AKAP6: variants seen among roughly 807,000 people sequenced by gnomAD.
AKAP6 encodes A-kinase anchor protein 6.
AKAP6 carries 58 observed loss-of-function variants against 188.5 expected under a neutral mutation model. The observed-to-expected ratio is 0.31, with a 90% CI of 0.25 to 0.38. AKAP6 has a LOEUF of 0.38. Among genes scored for constraint, AKAP6 ranks in the 10% least tolerant of loss-of-function variants. AKAP6 has a pLI of 1.00. For synonymous variants in AKAP6, 989 were observed against 998.6 expected, an observed-to-expected ratio of 0.99 and a Z score of 0.18; for missense variants, 2,710 against 2,740.0, an observed-to-expected ratio of 0.99 and a Z score of 0.24.
chr14:32,786,425 A>G (rs2140037185), intron 12 of AKAP6, among the ~76,000 whole-genome samples: 1 of 146,544 alleles, frequency 6.8e-6, no homozygotes, highest in African/African-American at 2.5e-5. Flanking sequence ...CTCCTGCCCC[A>G]GCCTCCTGAG....
At chr14:32,492,982 G>A (rs1227728705) in intron 2 of AKAP6, among the ~76,000 whole-genome samples, 1 of 152,194 alleles carries the variant, frequency 6.6e-6, no homozygotes, top group Non-Finnish European at 1.5e-5. Context: ...TATGGGATGT[G>A]TCTTGCCTTT....
At chr14:32,452,732 G>C (rs1188363363) in intron 2 of AKAP6, among the ~76,000 whole-genome samples, 1 of 152,178 alleles carries the variant, frequency 6.6e-6, no homozygotes, top group Admixed American at 6.5e-5. Context: ...CTGTGCTCCA[G>C]AGACCATATT....
intron 11 of AKAP6, among the ~76,000 whole-genome samples, chr14:32,748,370 G>T (rs545548558): frequency 3.2e-4 from 48 of 152,294 alleles, no homozygotes; most frequent in African/African-American, 1.0e-3. Flanking sequence ...CTTACCTTAA[G>T]AAGTGGTTGT....
intron 5 of AKAP6, among the ~76,000 whole-genome samples, chr14:32,594,404 A>G (rs1885607270): frequency 6.6e-6 from 1 of 152,120 alleles, no homozygotes; most frequent in African/African-American, 2.4e-5. Flanking sequence ...TATTTTCCAT[A>G]TGATTGTTTA....
At chr14:32,682,314 C>A (rs956522524) in intron 8 of AKAP6, among the ~76,000 whole-genome samples, 4 of 152,144 alleles carry the variant, frequency 2.6e-5, no homozygotes, top group Non-Finnish European at 5.9e-5. Context: ...TGGCATGAAG[C>A]CGATACTGAT....
chr14:32,619,735 G>T (rs1886735566), intron 7 of AKAP6, among the ~76,000 whole-genome samples: 1 of 152,018 alleles, frequency 6.6e-6, no homozygotes, highest in Non-Finnish European at 1.5e-5. Flanking sequence ...AATAGGAATT[G>T]CATTGAATCT....
chr14:32,649,826 T>C (rs1203599471), intron 7 of AKAP6, among the ~76,000 whole-genome samples: 1 of 152,146 alleles, frequency 6.6e-6, no homozygotes, highest in Admixed American at 6.5e-5. Context: ...AAGCTAGATT[T>C]GCAATTGGTT....
At chr14:32,636,200 T>C (rs994216694) in intron 7 of AKAP6, among the ~76,000 whole-genome samples, 3 of 152,128 alleles carry the variant, frequency 2.0e-5, no homozygotes, top group Non-Finnish European at 4.4e-5. Context: ...GAAACATCTA[T>C]ACATATACAA....
intron 1 of AKAP6, among the ~76,000 whole-genome samples, chr14:32,410,680 C>A (rs1183902994): frequency 1.3e-5 from 2 of 151,912 alleles, no homozygotes; most frequent in Non-Finnish European, 2.9e-5. Context: ...ACAAATGTTC[C>A]TTGAGTGAGA....
At chr14:32,510,201 G>A (rs541205872) in intron 2 of AKAP6, among the ~76,000 whole-genome samples, 3 of 151,502 alleles carry the variant, frequency 2.0e-5, no homozygotes, top group African/African-American at 4.9e-5. Context: ...TACTAATAGT[G>A]TCTCTCTGCT....
chr14:32,641,664 T>G (rs1215671112), intron 7 of AKAP6, among the ~76,000 whole-genome samples: 1 of 152,086 alleles, frequency 6.6e-6, no homozygotes, highest in Non-Finnish European at 1.5e-5. Flanking sequence ...GAATTTCATG[T>G]GGTCCCTAAA....
At chr14:32,752,285 T>C (rs571218532) in intron 11 of AKAP6, among the ~76,000 whole-genome samples, 14 of 152,348 alleles carry the variant, frequency 9.2e-5, no homozygotes, top group African/African-American at 2.9e-4. Context: ...GTAAGTAGCC[T>C]ACTCTTTGTT....
intron 2 of AKAP6, among the ~76,000 whole-genome samples, chr14:32,478,544 C>G (rs991737195): frequency 6.6e-6 from 1 of 151,828 alleles, no homozygotes; most frequent in African/African-American, 2.4e-5. Context: ...GAGACCTCTA[C>G]CATAAAAAAA....
At chr14:32,561,562 G>T (rs1405213095) in intron 4 of AKAP6, among the ~76,000 whole-genome samples, 3 of 152,072 alleles carry the variant, frequency 2.0e-5, no homozygotes, top group African/African-American at 7.2e-5. Context: ...TGGAACTTTG[G>T]GTGAACTCAA....
intron 7 of AKAP6, among the ~76,000 whole-genome samples, chr14:32,642,043 A>G (rs1887781860): frequency 1.3e-5 from 2 of 152,182 alleles, no homozygotes; most frequent in Non-Finnish European, 2.9e-5. Flanking sequence ...AATGATTAAT[A>G]TAGTCTTCTT....
At chr14:32,422,087 G>C (rs76446741) in intron 1 of AKAP6, among the ~76,000 whole-genome samples, 139 of 152,240 alleles carry the variant, frequency 9.1e-4, no homozygotes, top group Non-Finnish European at 1.6e-3. Context: ...ACAGAGTAAG[G>C]AGAGACCTAT....
chr14:32,533,252 G>A (rs1882506184), intron 2 of AKAP6, among the ~76,000 whole-genome samples: 1 of 152,202 alleles, frequency 6.6e-6, no homozygotes, highest in African/African-American at 2.4e-5. Flanking sequence ...AGGGAAGAAT[G>A]TAGGTAACAG....
intron 8 of AKAP6, among the ~76,000 whole-genome samples, chr14:32,680,131 C>T (rs1342277055): frequency 6.6e-6 from 1 of 152,186 alleles, no homozygotes; most frequent in East Asian, 1.9e-4. Context: ...TAGTTAACAA[C>T]AAGCATTGTT....
chr14:32,390,467 A>T (rs575063686), intron 1 of AKAP6, among the ~76,000 whole-genome samples: 1 of 152,136 alleles, frequency 6.6e-6, no homozygotes, highest in African/African-American at 2.4e-5. Context: ...GTTCATTCTC[A>T]TTTGGGTAGG....
Sources: gnomAD v4.1 joint callset for allele counts (sites outside exome capture counted in the v4.1 genomes callset) on GRCh38, gnomAD v4.1.1 for gene constraint, MANE v1.5 for transcripts, NCBI Gene and HGNC (gene_info 2026-07-23, HGNC 2026-07-21) for gene names.